The following DOCK2 variants were observed in gnomAD, a reference collection of about 807,000 sequenced individuals.
DOCK2 encodes the protein dedicator of cytokinesis 2.
Under a neutral mutation model 248.9 loss-of-function variants are expected in DOCK2, and 87 were observed. The ratio of observed to expected loss-of-function variants is 0.35; its 90% CI spans 0.29 to 0.42. The LOEUF (loss-of-function observed/expected upper bound fraction) is 0.42. DOCK2 is among the 10% of genes least tolerant of loss of function. The pLI, the probability that DOCK2 is intolerant of heterozygous loss-of-function variation, is 1.00. For missense variants in DOCK2, 1,747 were observed against 2,300.2 expected, an observed-to-expected ratio of 0.76 and a Z score of 4.92; for synonymous variants, 805 against 821.6, an observed-to-expected ratio of 0.98 and a Z score of 0.35.
rs569855274 is a variant in DOCK2 at position 169,790,026 on chromosome 5, C to G, written c.2555-13032C>G. 5.3e-5 allele frequency among the ~76,000 whole-genome samples: 8 copies of G among 152,302 alleles called. No individual in the cohort carries two copies. In the East Asian group the frequency reaches 1.5e-3, roughly 29 times the overall value. On this transcript the variant is annotated intron_variant, in intron 25 of 51. Coordinates refer to ENST00000520908, the MANE Select transcript of DOCK2 (RefSeq NM_004946.3). ...GAGCTGTAAATGAGAGGAGCTTCAG[C>G]CTCCTCTTCTTCAGAGCTGATATGG...
At position 170,079,311 on chromosome 5, in the gene DOCK2, A is replaced by C. The variant is rs1372314339; in HGVS notation, c.5166+165A>C. The C allele has an allele frequency of 3.1e-6, 3 of 971,910 alleles. No homozygotes were observed. The African/African-American group carries it at 4.9e-5, about 16-fold the overall frequency. The allele number at this position is 971,910 out of a possible 1,614,324, so 60.2% of individuals were successfully genotyped here. A position where few individuals can be genotyped will look rare whatever the true frequency, so the allele number is the denominator to read the frequency against. On this transcript the variant is annotated intron_variant, in intron 49 of 51. Transcript: ENST00000520908. ...TGAGGAGCTGAGAGGTGAAGTGCTT[A>C]CTCGTGCCCAGGCAGCTGGGGTGGC...
chr5:169,869,573 G>A (rs1410292942), intron 27 of DOCK2, among the ~76,000 whole-genome samples: 1 of 152,082 alleles, frequency 6.6e-6, no homozygotes, highest in Non-Finnish European at 1.5e-5. Context: ...TATAAATGGG[G>A]AGGGACAGAG....
intron 36 of DOCK2, among the ~76,000 whole-genome samples, chr5:170,038,231 T>C (rs11953169): frequency 0.048 from 7,365 of 152,236 alleles, 373 homozygotes; most frequent in African/African-American, 0.13. Context: ...TGAAGTACTA[T>C]AGGTAATATG....
At chr5:169,775,111 T>C (rs1765309244) in intron 25 of DOCK2, among the ~76,000 whole-genome samples, 1 of 152,162 alleles carries the variant, frequency 6.6e-6, no homozygotes, top group African/African-American at 2.4e-5. Context: ...TGTTTCACCC[T>C]GTTGACCAAG....
chr5:169,741,803 A>ATTTTTTT, intron 22 of DOCK2, among the ~76,000 whole-genome samples: 1 of 82,420 alleles, frequency 1.2e-5, no homozygotes, highest in Non-Finnish European at 2.3e-5. Context: ...ATCTTTTACT[A>ATTTTTTT]TTTTTTTTTT....
intron 44 of DOCK2, among the ~76,000 whole-genome samples, chr5:170,066,638 G>A (rs980792351): frequency 2.6e-5 from 4 of 152,188 alleles, no homozygotes; most frequent in African/African-American, 9.6e-5. Context: ...TATAGATCGT[G>A]TGTTAGACCA....
chr5:169,945,788 C>T (rs900121601), intron 27 of DOCK2, among the ~76,000 whole-genome samples: 5 of 152,238 alleles, frequency 3.3e-5, no homozygotes, highest in Non-Finnish European at 5.9e-5. Context: ...CAGCCAGCAC[C>T]TCTGGCTTTT....
At chr5:169,794,742 G>T (rs1766544164) in intron 25 of DOCK2, among the ~76,000 whole-genome samples, 1 of 152,156 alleles carries the variant, frequency 6.6e-6, no homozygotes, top group Non-Finnish European at 1.5e-5. Context: ...GGCTAACACG[G>T]TGAAACCCGT....
chr5:169,862,922 C>T (rs1056986610), intron 27 of DOCK2, among the ~76,000 whole-genome samples: 8 of 152,180 alleles, frequency 5.3e-5, no homozygotes, highest in South Asian at 2.1e-4. Flanking sequence ...ATACCTTCTT[C>T]GTTTAATGTA....
intron 27 of DOCK2, among the ~76,000 whole-genome samples, chr5:169,971,149 G>T (rs1209061535): frequency 2.0e-5 from 3 of 149,514 alleles, no homozygotes; most frequent in Non-Finnish European, 4.4e-5. Flanking sequence ...GGACAAATGT[G>T]AATTTAAGAG....
chr5:170,082,110 G>A, intron 51 of DOCK2, 126 bp downstream of exon 51: 1 of 1,332,434 alleles, frequency 7.5e-7, no homozygotes, highest in Non-Finnish European at 1.0e-6. Context: ...GCATAGTCAG[G>A]AGGCCCTGAG....
chr5:169,696,041 C>T (rs1471257515), intron 10 of DOCK2, 103 bp downstream of exon 10: 7 of 1,420,712 alleles, frequency 4.9e-6, no homozygotes, highest in African/African-American at 1.5e-5. Flanking sequence ...GCTGCCCCCA[C>T]CCCTGCAAAA....
chr5:169,648,547 G>A (rs183257256), intron 1 of DOCK2, among the ~76,000 whole-genome samples: 37 of 152,276 alleles, frequency 2.4e-4, no homozygotes, highest in Admixed American at 4.6e-4. Context: ...ATCTCCACTC[G>A]TGAGAGGCGA....
At chr5:169,718,617 A>C (rs926122069) in intron 21 of DOCK2, 40 bp from the exon 22 acceptor site, 3 of 1,596,246 alleles carry the variant, frequency 1.9e-6, no homozygotes, top group Non-Finnish European at 2.6e-6. Context: ...AATTACCATG[A>C]TGAAAGAGAT....
chr5:169,761,705 G>A (rs1352087626), intron 25 of DOCK2, 80 bp downstream of exon 25: 3 of 1,162,038 alleles, frequency 2.6e-6, no homozygotes, highest in Non-Finnish European at 3.8e-6. Flanking sequence ...TGGCAGGAGA[G>A]GGCAACCTGT....
At chr5:169,703,208 A>G (rs12515906) in intron 14 of DOCK2, among the ~76,000 whole-genome samples, 37,111 of 151,988 alleles carry the variant, frequency 0.24, 4,763 homozygotes, top group Admixed American at 0.39. Flanking sequence ...GAGTGATCAA[A>G]TAGCCAAGCA....
At chr5:170,060,113 C>A (rs960338532) in intron 44 of DOCK2, among the ~76,000 whole-genome samples, 6 of 152,170 alleles carry the variant, frequency 3.9e-5, no homozygotes, top group Non-Finnish European at 8.8e-5. Context: ...CAGGCATTTT[C>A]TGATGAGCTT....
intron 44 of DOCK2, among the ~76,000 whole-genome samples, chr5:170,064,796 C>CT (rs1202516388): frequency 1.3e-5 from 2 of 151,968 alleles, no homozygotes; most frequent in Non-Finnish European, 2.9e-5. Context: ...CAAAGAGAAC[C>CT]AAAAGTATTT....
chr5:169,787,199 C>G (rs190291101), intron 25 of DOCK2, among the ~76,000 whole-genome samples: 1 of 152,354 alleles, frequency 6.6e-6, no homozygotes, highest in Non-Finnish European at 1.5e-5. Flanking sequence ...ACCATGTGGT[C>G]TATTACTGAC....
Sources: allele counts gnomAD v4.1 joint callset (sites outside exome capture counted in the v4.1 genomes callset), GRCh38; gene constraint gnomAD v4.1.1; transcripts MANE v1.5; gene names NCBI Gene and HGNC (gene_info 2026-07-23, HGNC 2026-07-21).